Variants in USP4 observed in about 807,000 individuals in gnomAD.
The protein encoded by USP4 is ubiquitin carboxyl-terminal hydrolase 4.
In USP4, 72 loss-of-function variants were observed where a neutral mutation model predicts 118.2. The ratio of observed to expected loss-of-function variants is 0.61; its 90% CI spans 0.50 to 0.74. The LOEUF is 0.74. USP4 is among the 30% of genes least tolerant of loss of function. The probability of loss-of-function intolerance (pLI) is 0.00; values close to 1 mark genes in which losing one functional copy is unlikely to be tolerated. For synonymous variants in USP4, 415 were observed against 440.4 expected, an observed-to-expected ratio of 0.94 and a Z score of 0.72; for missense variants, 1,037 against 1,185.7, an observed-to-expected ratio of 0.87 and a Z score of 1.84.
At chr3:49,325,541 T>C (rs899699883) in intron 4 of USP4, among the ~76,000 whole-genome samples, 178 bp downstream of exon 4, 2 of 152,068 alleles carry the variant, frequency 1.3e-5, no homozygotes, top group African/African-American at 4.8e-5. Flanking sequence ...CCCAGTGTTC[T>C]CTCCATAAGA....
chr3:49,338,662 C>CAAAA (rs1184984948), intron 1 of USP4, among the ~76,000 whole-genome samples: 3 of 52,882 alleles, frequency 5.7e-5, no homozygotes, highest in African/African-American at 1.1e-4. Context: ...AATTCCTTCT[C>CAAAA]AAAAAAAAAA....
chr3:49,303,554 C>T (rs1357509335), intron 9 of USP4, among the ~76,000 whole-genome samples: 3 of 151,584 alleles, frequency 2.0e-5, no homozygotes, highest in Admixed American at 6.6e-5. Flanking sequence ...AATTAAAAAC[C>T]ATTAAAAATT....
intron 11 of USP4, among the ~76,000 whole-genome samples, chr3:49,299,968 G>A (rs1320299626): frequency 3.9e-5 from 6 of 152,160 alleles, no homozygotes; most frequent in South Asian, 2.1e-4. Context: ...GACAGAGGCC[G>A]GGTGCGGTGG....
At chr3:49,279,458 T>G (rs979881626) in intron 20 of USP4, among the ~76,000 whole-genome samples, 8 of 151,782 alleles carry the variant, frequency 5.3e-5, no homozygotes, top group African/African-American at 1.9e-4. Context: ...AAAAAAAAAA[T>G]TTATCTTTCT....
At chr3:49,332,508 G>A (rs1248733158) in intron 2 of USP4, among the ~76,000 whole-genome samples, 1 of 151,686 alleles carries the variant, frequency 6.6e-6, no homozygotes, top group Non-Finnish European at 1.5e-5. Context: ...GCAGCAAAGA[G>A]GTAGATGGCA....
chr3:49,305,955 A>G, intron 8 of USP4, 67 bp from the exon 9 acceptor site: 1 of 1,465,654 alleles, frequency 6.8e-7, no homozygotes, highest in Middle Eastern at 1.8e-4. Context: ...AGATAAATCA[A>G]GTTCTAAAGG....
At chr3:49,288,269 T>C (rs373338378) in intron 15 of USP4, among the ~76,000 whole-genome samples, 14 of 152,178 alleles carry the variant, frequency 9.2e-5, no homozygotes, top group African/African-American at 3.4e-4. Context: ...ACTCAGGAAA[T>C]GAGCAGTGCC....
intron 13 of USP4, among the ~76,000 whole-genome samples, chr3:49,295,926 A>C (rs1404733852): frequency 6.6e-6 from 1 of 152,162 alleles, no homozygotes; most frequent in Non-Finnish European, 1.5e-5. Context: ...GCTGCTAGTA[A>C]TAAGCACCTA....
intron 15 of USP4, among the ~76,000 whole-genome samples, chr3:49,286,993 G>A (rs748908452): frequency 3.9e-5 from 6 of 152,052 alleles, no homozygotes; most frequent in Non-Finnish European, 7.4e-5. Context: ...GGGATTACAG[G>A]TGTGCGCCAC....
At chr3:49,299,769 T>C (rs2047246477) in intron 11 of USP4, among the ~76,000 whole-genome samples, 1 of 152,062 alleles carries the variant, frequency 6.6e-6, no homozygotes, top group Admixed American at 6.6e-5. Context: ...ATCAGCAGGG[T>C]AAGACACTAA....
chr3:49,305,910 G>C (rs763263357), intron 8 of USP4, 22 bp from the exon 9 acceptor site: 1 of 1,607,922 alleles, frequency 6.2e-7, no homozygotes, highest in South Asian at 1.1e-5. Flanking sequence ...CATGATGAGG[G>C]CTTTACACAC....
chr3:49,309,210 T>A (rs982596887), intron 8 of USP4, among the ~76,000 whole-genome samples: 1 of 151,988 alleles, frequency 6.6e-6, no homozygotes, highest in African/African-American at 2.4e-5. Context: ...TAACTTTAAG[T>A]AAATTCCGTG....
intron 6 of USP4, chr3:49,313,853 A>G (rs2107790103): frequency 6.6e-6 from 1 of 152,274 alleles, no homozygotes; most frequent in East Asian, 1.9e-4. Context: ...ATCTTATTTT[A>G]AAGTTTTTAA....
intron 1 of USP4, among the ~76,000 whole-genome samples, chr3:49,336,320 C>T (rs1575625280): frequency 1.3e-5 from 2 of 150,332 alleles, no homozygotes; most frequent in East Asian, 4.0e-4. Flanking sequence ...TACAGGCATG[C>T]ATCACCAGGC....
intron 19 of USP4, among the ~76,000 whole-genome samples, chr3:49,283,670 G>C (rs1011590154): frequency 6.6e-6 from 1 of 152,140 alleles, no homozygotes; most frequent in African/African-American, 2.4e-5. Flanking sequence ...CCTCTGCTAA[G>C]GTGAGGCTAC....
rs745608372 is a variant in USP4 at position 49,327,704 on chromosome 3, C to T, written c.342G>A (p.Gln114=). 1.2e-6 allele frequency: 2 copies of T among 1,614,108 alleles called. No homozygotes were observed. Among genetic ancestry groups the T allele is most frequent in the Non-Finnish European group, 1.7e-6 (2 of 1,180,002 alleles). ...LLNWYGCVEG[Q]QPIVRKVVEH... Reference sequence around the variant, plus strand: ...AACTCACTTTTCTGACGATGGGTTGCTGGCCTTCTACACAGCCGTACCAGT... The same window carrying T: ...AACTCACTTTTCTGACGATGGGTTGTTGGCCTTCTACACAGCCGTACCAGT... Residue 114 remains glutamine (Q), a synonymous_variant, in exon 3 of 22, where the codon CAG becomes CAA. Coordinates refer to ENST00000265560, the MANE Select transcript of USP4 (RefSeq NM_003363.4).
intron 17 of USP4, 27 bp from the exon 18 acceptor site, chr3:49,284,611 G>C (rs761463727): frequency 5.0e-6 from 8 of 1,595,880 alleles, no homozygotes; most frequent in Non-Finnish European, 6.9e-6. Context: ...ACTCAGTTCT[G>C]CTGGAGAAAG....
At chr3:49,300,964 A>G (rs543696378) in intron 10 of USP4, among the ~76,000 whole-genome samples, 1 of 152,202 alleles carries the variant, frequency 6.6e-6, no homozygotes, top group Non-Finnish European at 1.5e-5. Context: ...ATATTGATTG[A>G]TTGAGACATG....
intron 6 of USP4, chr3:49,318,288 T>G: frequency 1.0e-6 from 1 of 983,126 alleles, no homozygotes; most frequent in Non-Finnish European, 1.2e-6. Context: ...CTCTTAACAG[T>G]CAGAATACTT....
Sources: allele counts gnomAD v4.1 joint callset (sites outside exome capture counted in the v4.1 genomes callset), GRCh38; gene constraint gnomAD v4.1.1; transcripts MANE v1.5; gene names NCBI Gene and HGNC (gene_info 2026-07-23, HGNC 2026-07-21).